Variants in CTIF observed in about 807,000 individuals in gnomAD.
The protein encoded by CTIF is cap binding complex dependent translation initiation factor.
A neutral mutation model predicts 66.0 loss-of-function variants in CTIF; 21 were observed. That is an observed-to-expected ratio of 0.32 (90% confidence interval 0.23 to 0.46). CTIF has a LOEUF of 0.46. Among genes scored for constraint, CTIF ranks in the 20% least tolerant of loss-of-function variants. CTIF has a pLI of 1.00. For missense variants in CTIF, 739 were observed against 812.7 expected, an observed-to-expected ratio of 0.91 and a Z score of 1.10; for synonymous variants, 345 against 326.4, an observed-to-expected ratio of 1.06 and a Z score of -0.62.
intron 10 of CTIF, among the ~76,000 whole-genome samples, chr18:48,849,561 T>C (rs1311694832): frequency 6.6e-6 from 1 of 151,354 alleles, no homozygotes; most frequent in South Asian, 2.1e-4. Flanking sequence ...TATAACATTA[T>C]GTAAAGCTTA....
chr18:48,766,931 T>TTCTCTCCCGCTGCCTCCA (rs1294275367), intron 9 of CTIF, among the ~76,000 whole-genome samples: 15 of 152,288 alleles, frequency 9.8e-5, no homozygotes, highest in South Asian at 2.1e-4. Context: ...CCCATTTTCC[T>TTCTCTCCCGCTGCCTCCA]TTTCCTTGGC....
intron 1 of CTIF, among the ~76,000 whole-genome samples, chr18:48,618,521 C>T (rs1052119508): frequency 1.3e-5 from 2 of 152,234 alleles, no homozygotes; most frequent in African/African-American, 4.8e-5. Flanking sequence ...ATCCCCTTCC[C>T]ATCTAGCCTG....
chr18:48,554,226 A>G (rs1243737281), intron 1 of CTIF, among the ~76,000 whole-genome samples: 2 of 152,144 alleles, frequency 1.3e-5, no homozygotes, highest in African/African-American at 2.4e-5. Context: ...ACTTCTTCCA[A>G]TGGGAACATT....
chr18:48,570,344 G>T (rs758918967), intron 1 of CTIF, among the ~76,000 whole-genome samples: 2 of 152,212 alleles, frequency 1.3e-5, no homozygotes, highest in Non-Finnish European at 2.9e-5. Flanking sequence ...TTGCTGTTTG[G>T]GTGCCAGAGT....
chr18:48,625,746 C>G (rs1251428700), intron 2 of CTIF, among the ~76,000 whole-genome samples: 1 of 152,184 alleles, frequency 6.6e-6, no homozygotes, highest in East Asian at 1.9e-4. Flanking sequence ...TTTATTTAAC[C>G]ATTTGCTTAA....
chr18:48,667,075 G>A (rs1436582677), intron 5 of CTIF, among the ~76,000 whole-genome samples: 2 of 129,024 alleles, frequency 1.6e-5, no homozygotes, highest in South Asian at 2.6e-4. Context: ...TGGGTACCAG[G>A]AAAGTAGACA....
chr18:48,635,168 T>TA (rs1205880168), intron 2 of CTIF, among the ~76,000 whole-genome samples: 5 of 152,186 alleles, frequency 3.3e-5, no homozygotes, highest in African/African-American at 1.2e-4. Flanking sequence ...ACAAAGGTCA[T>TA]ACCCTTGAGC....
chr18:48,820,090 C>T (rs2146349739), intron 10 of CTIF, among the ~76,000 whole-genome samples: 1 of 152,310 alleles, frequency 6.6e-6, no homozygotes, highest in East Asian at 1.9e-4. Flanking sequence ...GGCTGAGTGT[C>T]CTGCCCAGGG....
chr18:48,539,741 T>A (rs929246458), intron 1 of CTIF: 1 of 152,660 alleles, frequency 6.6e-6, no homozygotes, highest in Non-Finnish European at 1.5e-5. Flanking sequence ...GCGATTCCTC[T>A]CCCTTTTGTT....
At chr18:48,617,745 CT>C (rs1371789335) in intron 1 of CTIF, among the ~76,000 whole-genome samples, 3 of 152,246 alleles carry the variant, frequency 2.0e-5, no homozygotes, top group African/African-American at 4.8e-5. Flanking sequence ...TGCTGCCACC[CT>C]TGCCTCCACA....
At chr18:48,580,061 A>T (rs1308118791) in intron 1 of CTIF, among the ~76,000 whole-genome samples, 1 of 152,206 alleles carries the variant, frequency 6.6e-6, no homozygotes, top group Non-Finnish European at 1.5e-5. Flanking sequence ...CCACCCATTC[A>T]TCTACTGAGA....
At chr18:48,601,830 T>C (rs989177160) in intron 1 of CTIF, among the ~76,000 whole-genome samples, 2 of 152,192 alleles carry the variant, frequency 1.3e-5, no homozygotes, top group Non-Finnish European at 2.9e-5. Flanking sequence ...GCCTGAGGGA[T>C]GAGAAATAAA....
intron 1 of CTIF, among the ~76,000 whole-genome samples, chr18:48,574,559 A>G (rs1269051442): frequency 6.6e-6 from 1 of 151,800 alleles, no homozygotes; most frequent in Non-Finnish European, 1.5e-5. Context: ...GCCGCTTGGG[A>G]CCCTCCATTC....
rs542087484 is a variant in CTIF, at chr18:48,641,411, A to G, written c.252+4726A>G. ...GTTGGCTGTTAAGCAAGGTGATGAA[A>G]TCTTTGCTAGGAACCTGATGAGCAC... is the stretch of plus-strand genomic sequence containing the variant. On this transcript the variant is annotated intron_variant, in intron 3 of 11. Transcript: ENST00000256413. 1.2e-4 allele frequency among the ~76,000 whole-genome samples: 18 copies of G among 152,350 alleles called. No individual in the cohort carries two copies. In the South Asian group the frequency reaches 3.3e-3, roughly 28 times the overall value.
chr18:48,812,540 C>T (rs916851509), intron 9 of CTIF, among the ~76,000 whole-genome samples: 1 of 151,750 alleles, frequency 6.6e-6, no homozygotes, highest in African/African-American at 2.4e-5. Context: ...TCTTTTTCTG[C>T]GAAACTAAAA....
intron 1 of CTIF, among the ~76,000 whole-genome samples, chr18:48,615,002 G>A (rs2090372452): frequency 6.6e-6 from 1 of 152,168 alleles, no homozygotes; most frequent in African/African-American, 2.4e-5. Context: ...CTGGGCTCAA[G>A]CAATCCTCCT....
At chr18:48,767,730 T>C (rs1478527003) in intron 9 of CTIF, among the ~76,000 whole-genome samples, 2 of 152,202 alleles carry the variant, frequency 1.3e-5, no homozygotes, top group East Asian at 3.8e-4. Context: ...TGCTCTTCTC[T>C]AGCACCTTCT....
chr18:48,750,414 T>G (rs1466527060), intron 7 of CTIF, among the ~76,000 whole-genome samples: 1 of 152,246 alleles, frequency 6.6e-6, no homozygotes, highest in Non-Finnish European at 1.5e-5. Flanking sequence ...CCTTTTTCCC[T>G]TGGCCTTCTG....
intron 1 of CTIF, among the ~76,000 whole-genome samples, chr18:48,570,764 G>T (rs1367680238): frequency 6.6e-6 from 1 of 152,134 alleles, no homozygotes; most frequent in East Asian, 1.9e-4. Context: ...GAGAGTGAGT[G>T]CAGGGGGTAG....
Sources: gnomAD v4.1 joint callset for allele counts (sites outside exome capture counted in the v4.1 genomes callset) on GRCh38, gnomAD v4.1.1 for gene constraint, MANE v1.5 for transcripts, NCBI Gene and HGNC (gene_info 2026-07-23, HGNC 2026-07-21) for gene names.